The following BRINP3 variants were observed in gnomAD, a reference collection of about 807,000 sequenced individuals.
The protein encoded by BRINP3 is BMP/retinoic acid inducible neural specific 3.
BRINP3 carries 19 observed loss-of-function variants against 71.0 expected under a neutral mutation model. The observed-to-expected ratio is 0.27, with a 90% CI of 0.19 to 0.39. The LOEUF (loss-of-function observed/expected upper bound fraction) is 0.39, where lower values mean the gene tolerates loss of function less well. Ranked by LOEUF, BRINP3 falls within the 10% of genes least tolerant of loss-of-function variation. The pLI, the probability that BRINP3 is intolerant of heterozygous loss-of-function variation, is 1.00. For missense variants in BRINP3, 959 were observed against 940.8 expected (o/e 1.02, Z -0.25); for synonymous variants, 380 against 337.7 (o/e 1.13, Z -1.37).
intron 2 of BRINP3, among the ~76,000 whole-genome samples, chr1:190,321,969 A>T (rs1666275443): frequency 6.6e-6 from 1 of 152,026 alleles, no homozygotes; most frequent in Admixed American, 6.6e-5. Flanking sequence ...AAATTAATGA[A>T]ATGATTTTTA....
At chr1:190,468,970 C>T (rs1162249799) in intron 1 of BRINP3, among the ~76,000 whole-genome samples, 1 of 150,682 alleles carries the variant, frequency 6.6e-6, no homozygotes, top group African/African-American at 2.4e-5. Flanking sequence ...AATAATAATG[C>T]TGTCTTTGAG....
At chr1:190,469,329 T>G (rs1676973758) in intron 1 of BRINP3, among the ~76,000 whole-genome samples, 1 of 151,018 alleles carries the variant, frequency 6.6e-6, no homozygotes. Flanking sequence ...TCTGGATGAA[T>G]AATAAGAAAT....
rs58257219 is a variant in BRINP3 at position 190,369,865 on chromosome 1, ATAAT to A, written c.236+84786_236+84789del. Among the ~76,000 whole-genome samples, 653 of 152,300 alleles carry A rather than the reference ATAAT, an allele frequency of 4.3e-3. 5 individuals carry two copies. The highest frequency in any genetic ancestry group is 0.014 in the African/African-American group (598 of 41,580). On this transcript the variant is annotated intron_variant, in intron 2 of 7. Transcript: ENST00000367462. ...TGTTTTTAAAATAATGTTTAAACTA[ATAAT>A]TAATAGCCACTAATTATTAATAAAA... is the stretch of plus-strand genomic sequence containing the variant.
At chr1:190,444,184 G>A (rs773778011) in intron 2 of BRINP3, among the ~76,000 whole-genome samples, 4 of 133,464 alleles carry the variant, frequency 3.0e-5, no homozygotes, top group Non-Finnish European at 4.6e-5. Flanking sequence ...TGCAGTGACC[G>A]GACGACATTG....
chr1:190,183,759 AG>A (rs1653254236), intron 6 of BRINP3, among the ~76,000 whole-genome samples: 1 of 152,112 alleles, frequency 6.6e-6, no homozygotes, highest in Non-Finnish European at 1.5e-5. Flanking sequence ...TGGGGATGAA[AG>A]TCCAGGCTCC....
intron 6 of BRINP3, 65 bp from the exon 7 acceptor site, chr1:190,160,955 G>T: frequency 8.8e-7 from 1 of 1,130,308 alleles, no homozygotes; most frequent in Non-Finnish European, 1.3e-6. Context: ...TCACAAACAC[G>T]TATGTCAATA....
chr1:190,209,779 T>C (rs1262643979), intron 6 of BRINP3, among the ~76,000 whole-genome samples: 1 of 152,170 alleles, frequency 6.6e-6, no homozygotes, highest in Non-Finnish European at 1.5e-5. Context: ...TCCAAAACTT[T>C]AGGTCCAAAT....
At chr1:190,412,762 T>C (rs1222618711) in intron 2 of BRINP3, among the ~76,000 whole-genome samples, 1 of 152,116 alleles carries the variant, frequency 6.6e-6, no homozygotes, top group East Asian at 1.9e-4. Context: ...AGTACTTTAA[T>C]TACTACTAGT....
intron 2 of BRINP3, among the ~76,000 whole-genome samples, chr1:190,357,126 C>G (rs1288669900): frequency 1.3e-5 from 2 of 151,914 alleles, no homozygotes; most frequent in African/African-American, 4.8e-5. Flanking sequence ...GACCAAACTT[C>G]TATTTTATAT....
chr1:190,263,866 G>T (rs1661416837), intron 4 of BRINP3, among the ~76,000 whole-genome samples: 1 of 152,074 alleles, frequency 6.6e-6, no homozygotes, highest in African/African-American at 2.4e-5. Flanking sequence ...GGGATAACAG[G>T]CCTGAGCCAC....
At chr1:190,246,172 A>G (rs193265302) in intron 4 of BRINP3, among the ~76,000 whole-genome samples, 82 of 152,140 alleles carry the variant, frequency 5.4e-4, no homozygotes, top group Non-Finnish European at 1.1e-3. Flanking sequence ...AATAATTTAA[A>G]ATCCAATGTG....
chr1:190,153,846 GT>G (rs1176329539), intron 7 of BRINP3, among the ~76,000 whole-genome samples: 2 of 152,120 alleles, frequency 1.3e-5, no homozygotes, highest in Non-Finnish European at 1.5e-5. Flanking sequence ...GTAAGACTCT[GT>G]CTCAACAAAA....
intron 3 of BRINP3, 71 bp downstream of exon 3, chr1:190,281,489 A>T: frequency 7.2e-7 from 1 of 1,393,760 alleles, no homozygotes; most frequent in South Asian, 1.3e-5. Context: ...TGATTAATTA[A>T]CACTTTTCTG....
At chr1:190,153,296 G>A (rs1200612615) in intron 7 of BRINP3, among the ~76,000 whole-genome samples, 1 of 152,030 alleles carries the variant, frequency 6.6e-6, no homozygotes, top group African/African-American at 2.4e-5. Flanking sequence ...TTTATTTTGA[G>A]TATGAAACAC....
At chr1:190,173,434 G>C (rs1652205501) in intron 6 of BRINP3, among the ~76,000 whole-genome samples, 2 of 152,258 alleles carry the variant, frequency 1.3e-5, no homozygotes, top group East Asian at 1.9e-4. Flanking sequence ...CAGCCACACT[G>C]TAACCATGAG....
At chr1:190,394,988 A>G (rs530197710) in intron 2 of BRINP3, among the ~76,000 whole-genome samples, 2 of 151,832 alleles carry the variant, frequency 1.3e-5, no homozygotes, top group Non-Finnish European at 3.0e-5. Context: ...AAATCCACTA[A>G]GGAAGTCTTG....
intron 2 of BRINP3, among the ~76,000 whole-genome samples, chr1:190,347,638 C>A (rs2102024764): frequency 6.6e-6 from 1 of 152,222 alleles, no homozygotes; most frequent in East Asian, 1.9e-4. Context: ...CAAAAATTCA[C>A]AATTTACAGA....
At chr1:190,371,892 T>C (rs760719469) in intron 2 of BRINP3, among the ~76,000 whole-genome samples, 11 of 152,178 alleles carry the variant, frequency 7.2e-5, no homozygotes, top group Non-Finnish European at 1.6e-4. Flanking sequence ...ATATGAGGTC[T>C]GTACAACCAG....
intron 2 of BRINP3, among the ~76,000 whole-genome samples, chr1:190,428,512 C>T (rs1481336717): frequency 2.0e-5 from 3 of 151,864 alleles, no homozygotes; most frequent in South Asian, 4.1e-4. Flanking sequence ...CTACAGAGGT[C>T]GTCTGAAATT....
Sources: gnomAD v4.1 joint callset for allele counts (sites outside exome capture counted in the v4.1 genomes callset) on GRCh38, gnomAD v4.1.1 for gene constraint, MANE v1.5 for transcripts, NCBI Gene and HGNC (gene_info 2026-07-23, HGNC 2026-07-21) for gene names.